The following FAR2 variants were observed in gnomAD, a reference collection of about 807,000 sequenced individuals.
FAR2 encodes epididymis secretory protein Li 81.
FAR2 carries 19 observed loss-of-function variants against 56.0 expected under a neutral mutation model. The ratio of observed to expected loss-of-function variants is 0.34; its 90% CI spans 0.24 to 0.50. The LOEUF (loss-of-function observed/expected upper bound fraction) is 0.50, where lower values mean the gene tolerates loss of function less well. FAR2 is among the 20% of genes least tolerant of loss of function. The probability of loss-of-function intolerance (pLI) is 0.98; values close to 1 mark genes in which losing one functional copy is unlikely to be tolerated. For missense variants in FAR2, 508 were observed against 642.2 expected, an observed-to-expected ratio of 0.79 and a Z score of 2.26; for synonymous variants, 219 against 218.8, an observed-to-expected ratio of 1.00 and a Z score of -0.01.
intron 1 of FAR2, among the ~76,000 whole-genome samples, chr12:29,231,569 C>T (rs146261830): frequency 0.011 from 1,653 of 152,116 alleles, 33 homozygotes; most frequent in African/African-American, 0.038. Context: ...CATTCTGAAA[C>T]TTAAAGAAAA....
At chr12:29,306,929 A>T (rs1949261388) in intron 4 of FAR2, among the ~76,000 whole-genome samples, 1 of 152,216 alleles carries the variant, frequency 6.6e-6, no homozygotes, top group East Asian at 1.9e-4. Context: ...CTCTAAACAG[A>T]CCTTCAAAAT....
chr12:29,159,173 T>A (rs1322910311), intron 1 of FAR2, among the ~76,000 whole-genome samples: 2 of 152,200 alleles, frequency 1.3e-5, no homozygotes, highest in East Asian at 3.8e-4. Context: ...TTATTTTCCC[T>A]TCTTCCCTCT....
intron 1 of FAR2, 25 bp downstream of exon 1, chr12:29,149,432 C>G (rs935742385): frequency 6.6e-6 from 1 of 152,388 alleles, no homozygotes; most frequent in Non-Finnish European, 1.5e-5. Context: ...CCAGCCCTGG[C>G]GCTCGCAGAG....
At chr12:29,258,147 T>G (rs374734600) in intron 1 of FAR2, among the ~76,000 whole-genome samples, 3 of 149,950 alleles carry the variant, frequency 2.0e-5, no homozygotes, top group South Asian at 4.2e-4. Flanking sequence ...AATTCGAGAC[T>G]AGCCTGACCA....
chr12:29,317,922 T>C (rs1420195847), intron 9 of FAR2: 1 of 152,702 alleles, frequency 6.5e-6, no homozygotes, highest in African/African-American at 2.4e-5. Context: ...CCAGATTTAC[T>C]GCCACCTAGA....
At position 29,321,855 on chromosome 12, in the gene FAR2, C is replaced by A; in HGVS notation, c.1188C>A (p.Asn396Lys). 6.2e-7 allele frequency: 1 copy of A among 1,613,804 alleles called. No individual in the cohort carries two copies. The highest frequency in any genetic ancestry group is 8.5e-7 in the Non-Finnish European group (1 of 1,179,840). The change falls in exon 10 of 12, where the codon AAC (asparagine) becomes AAA (lysine). Residue 396 changes from asparagine (N) to lysine (K), a missense_variant. Asn to Lys is a moderately conservative substitution (Grantham distance 94). Transcript: ENST00000536681. ...RTVSMLEYFI[N>K]RSWEWSTYNT... ...TTTCCATGTTGGAGTATTTCATCAA[C>A]CGGAGTTGGGAATGGAGCACGTACA...
intron 4 of FAR2, among the ~76,000 whole-genome samples, chr12:29,304,450 G>C (rs1025023515): frequency 3.9e-5 from 6 of 152,180 alleles, no homozygotes; most frequent in African/African-American, 1.4e-4. Flanking sequence ...ACAATCAAGA[G>C]AATGACATAA....
intron 1 of FAR2, among the ~76,000 whole-genome samples, chr12:29,154,580 G>A (rs1176442487): frequency 2.0e-5 from 3 of 151,838 alleles, no homozygotes; most frequent in Non-Finnish European, 4.4e-5. Context: ...GACTATAGGC[G>A]CCCACCACCA....
At chr12:29,186,613 C>A (rs1950042638) in intron 1 of FAR2, among the ~76,000 whole-genome samples, 1 of 152,066 alleles carries the variant, frequency 6.6e-6, no homozygotes, top group South Asian at 2.1e-4. Flanking sequence ...TTGATAATTC[C>A]AGGCTGGACA....
At position 29,311,164 on chromosome 12, in the gene FAR2, G is replaced by A; in HGVS notation, c.887+18G>A. ...GTTCACAGGTGTGGATGCTCAAGTGGGCTTTCAAAGACTTCATGAGGGGCA... is the reference window on the plus strand; with the variant it reads ...GTTCACAGGTGTGGATGCTCAAGTGAGCTTTCAAAGACTTCATGAGGGGCA... On this transcript the variant is annotated intron_variant, in intron 7 of 11. Transcript: ENST00000536681. 1 of 1,557,130 alleles carries A rather than the reference G, an allele frequency of 6.4e-7. No individual in the cohort carries two copies. Among genetic ancestry groups the A allele is most frequent in the Non-Finnish European group, 8.9e-7 (1 of 1,128,502 alleles).
At chr12:29,201,963 T>C (rs564357925) in intron 1 of FAR2, among the ~76,000 whole-genome samples, 9 of 152,314 alleles carry the variant, frequency 5.9e-5, no homozygotes, top group African/African-American at 2.2e-4. Context: ...CTTTGGATGA[T>C]GACTCTCAGG....
chr12:29,263,164 G>A (rs996679748), intron 1 of FAR2, among the ~76,000 whole-genome samples: 2 of 152,094 alleles, frequency 1.3e-5, no homozygotes, highest in African/African-American at 4.8e-5. Flanking sequence ...AATATTATTA[G>A]AGCTAAAGAG....
rs985988875 is a variant in FAR2, at chr12:29,270,701, T to C, written c.189+63T>C. The C allele has an allele frequency of 3.2e-4, 450 of 1,427,414 alleles. 2 individuals carry two copies. Among genetic ancestry groups the C allele is most frequent in the Middle Eastern group, 2.6e-4 (1 of 3,872 alleles). The allele number at this position is 1,427,414 out of a possible 1,614,324, so 88.4% of individuals were successfully genotyped here. On this transcript the variant is annotated intron_variant, in intron 2 of 11. Transcript: ENST00000536681. ...CTTAGGGCAAGATGATTCACTACAA[T>C]GTTCTCTTATAGTCTCATATTGCAA...
At chr12:29,256,684 C>A (rs184136363) in intron 1 of FAR2, among the ~76,000 whole-genome samples, 6 of 152,296 alleles carry the variant, frequency 3.9e-5, no homozygotes, top group Non-Finnish European at 8.8e-5. Context: ...GTGGCACTTG[C>A]GGGCCAGCTG....
At chr12:29,253,280 G>GATATCT (rs145113561) in intron 1 of FAR2, among the ~76,000 whole-genome samples, 52,388 of 80,740 alleles carry the variant, frequency 0.65, 19,965 homozygotes, top group Admixed American at 0.75. Flanking sequence ...TCTATATATC[G>GATATCT]ATATCTATAT....
At chr12:29,208,665 C>G (rs1415518805) in intron 1 of FAR2, among the ~76,000 whole-genome samples, 1 of 151,948 alleles carries the variant, frequency 6.6e-6, no homozygotes, top group African/African-American at 2.4e-5. Context: ...AAAAAAAATG[C>G]CCACCTGTTG....
intron 10 of FAR2, among the ~76,000 whole-genome samples, chr12:29,324,336 C>G (rs1365197316): frequency 2.6e-5 from 4 of 152,152 alleles, no homozygotes; most frequent in Non-Finnish European, 4.4e-5. Context: ...AGGGTATTAT[C>G]CAGGAGAACT....
intron 1 of FAR2, among the ~76,000 whole-genome samples, chr12:29,254,055 A>G (rs1215170113): frequency 6.6e-6 from 1 of 152,166 alleles, no homozygotes; most frequent in East Asian, 1.9e-4. Context: ...ACCAGCTTTG[A>G]CTATCTCTCC....
chr12:29,171,340 G>C (rs1020335705), intron 1 of FAR2: 3 of 152,326 alleles, frequency 2.0e-5, no homozygotes, highest in Admixed American at 6.5e-5. Context: ...CATGGGCGAG[G>C]GGGCAGCTTG....
Sources: gnomAD v4.1 joint callset for allele counts (sites outside exome capture counted in the v4.1 genomes callset) on GRCh38, gnomAD v4.1.1 for gene constraint, MANE v1.5 for transcripts, NCBI Gene and HGNC (gene_info 2026-07-23, HGNC 2026-07-21) for gene names.